Variants in HSPA2 observed in about 807,000 individuals in gnomAD.
HSPA2 encodes the protein heat shock-related 70 kDa protein 2.
In HSPA2, 13 loss-of-function variants were observed where a neutral mutation model predicts 35.0. The observed-to-expected ratio is 0.37, with a 90% CI of 0.24 to 0.59. The LOEUF is 0.59. Ranked by LOEUF, HSPA2 falls within the 20% of genes least tolerant of loss-of-function variation. HSPA2 has a pLI of 0.70. For synonymous variants in HSPA2, 368 were observed against 382.1 expected (o/e 0.96, Z 0.43); for missense variants, 565 against 885.4 (o/e 0.64, Z 4.59).
rs1427929597 is a variant in HSPA2 at position 64,541,923 on chromosome 14, C to A, written c.1074C>A (p.Asn358Lys). The change falls in exon 1 of 1, where the codon AAC becomes AAA. Residue 358 changes from asparagine to lysine, a missense_variant. Asn to Lys is a moderately conservative substitution (Grantham distance 94). Around this residue, in one of 4 missense-constraint regions of HSPA2, gnomAD observed 234 missense variants for 419.0 expected, o/e 0.56. Coordinates refer to ENST00000247207, the MANE Select transcript of HSPA2 (RefSeq NM_021979.4). ...KIQKLLQDFF[N>K]GKELNKSINP... ...AGAAGCTGCTGCAGGATTTCTTCAA[C>A]GGCAAGGAGCTGAACAAGAGCATCA... 6.2e-7 allele frequency: 1 copy of A among 1,613,476 alleles called. No individual in the cohort carries two copies. Among genetic ancestry groups the A allele is most frequent in the Non-Finnish European group, 8.5e-7 (1 of 1,180,028 alleles).
rs2080044995 is a variant in HSPA2, at chr14:64,542,969, T to C, written c.*200T>C. On this transcript the variant is annotated 3_prime_UTR_variant, in exon 1 of 1. Transcript: ENST00000247207. The surrounding 1 kb of genome is among the most constrained non-coding windows in gnomAD (Gnocchi z 5.7). The stretch of plus-strand genomic sequence containing the variant: ...TGTTTTTTAAAAACATTATTCGAGG[T>C]TTCTCTTTAATGCATTTTGCGTGTT... 1 of 943,184 alleles carries C rather than the reference T, an allele frequency of 1.1e-6. No homozygotes were observed. Among genetic ancestry groups the C allele is most frequent in the Non-Finnish European group, 1.6e-6 (1 of 643,696 alleles). 58.4% of individuals were successfully genotyped at this position (943,184 alleles called of 1,614,324 possible). A position where few individuals can be genotyped will look rare whatever the true frequency, so the allele number is the denominator to read the frequency against.
chr14:64,537,735 C>CT (rs957198368), upstream of HSPA2, among the ~76,000 whole-genome samples: 18 of 31,060 alleles, frequency 5.8e-4, no homozygotes, highest in African/African-American at 6.9e-4. Flanking sequence ...TTTTCTTTTT[C>CT]TTTTTTTTTT....
chr14:64,540,431 C>T (rs2080017365), upstream of HSPA2: 1 of 244,566 alleles, frequency 4.1e-6, no homozygotes, highest in Non-Finnish European at 8.0e-6. Flanking sequence ...CGAAAAAGCG[C>T]GTACACCTGG....
chr14:64,537,970 G>A (rs1005317442), upstream of HSPA2, among the ~76,000 whole-genome samples: 2 of 151,778 alleles, frequency 1.3e-5, no homozygotes, highest in Non-Finnish European at 1.5e-5. Flanking sequence ...CGTGATCCAC[G>A]CGCCTCGGCC....
chr14:64,537,971 C>T (rs548132412), upstream of HSPA2, among the ~76,000 whole-genome samples: 1 of 152,170 alleles, frequency 6.6e-6, no homozygotes, highest in East Asian at 1.9e-4. Flanking sequence ...GTGATCCACG[C>T]GCCTCGGCCT....
At position 64,542,118 on chromosome 14, in the gene HSPA2, C is replaced by G; in HGVS notation, c.1269C>G (p.Ile423Met). The G allele has an allele frequency of 6.2e-7, 1 of 1,613,622 alleles. No homozygotes were observed. The highest frequency in any genetic ancestry group is 8.5e-7 in the Non-Finnish European group (1 of 1,180,014). ...MTPLIKRNTT[I>M]PTKQTQTFTT... is the part of the protein sequence containing the mutation. ...CACTCATCAAGAGGAACACCACGAT[C>G]CCCACCAAGCAGACGCAGACCTTCA... The change falls in exon 1 of 1, where the codon ATC (isoleucine) becomes ATG (methionine). Residue 423 changes from isoleucine (I) to methionine (M), a missense_variant. Ile to Met is a conservative substitution (Grantham distance 10). Coordinates refer to ENST00000247207, the MANE Select transcript of HSPA2 (RefSeq NM_021979.4). The surrounding 1 kb of genome is among the most constrained non-coding windows in gnomAD (Gnocchi z 5.7).
Position 64,542,877 on chromosome 14 carries a change from G to C in HSPA2, c.*108G>C, listed in dbSNP as rs2080044498. On this transcript the variant is annotated 3_prime_UTR_variant, in exon 1 of 1. Transcript: ENST00000247207. The surrounding 1 kb of genome is among the most constrained non-coding windows in gnomAD (Gnocchi z 5.7). ...CCAAGTACGAGATCTATTGTTGGAA[G>C]TCTTTGGTATATGCAAATGAAAGGA... The C allele has an allele frequency of 6.9e-7, 1 of 1,444,734 alleles. No homozygotes were observed. Among genetic ancestry groups the C allele is most frequent in the African/African-American group, 1.4e-5 (1 of 69,478 alleles). The allele number at this position is 1,444,734 out of a possible 1,614,324, so 89.5% of individuals were successfully genotyped here.
In HSPA2 at chr14:64,540,865, C is replaced by G. The variant is rs1216853222; in HGVS notation, c.16C>G (p.Pro6Ala). The change falls in exon 1 of 1, where the codon CCG becomes GCG. Residue 6 changes from proline (P) to alanine (A), a missense_variant. Physicochemically the swap from Pro to Ala is conservative, Grantham distance 27. Around this residue, in one of 4 missense-constraint regions of HSPA2, gnomAD observed 183 missense variants for 281.6 expected, o/e 0.65. Transcript: ENST00000247207. ...TTCAGTCAGGATGTCTGCCCGTGGCCCGGCTATCGGCATCGACCTGGGCAC... is the reference window on the plus strand; with the variant it reads ...TTCAGTCAGGATGTCTGCCCGTGGCGCGGCTATCGGCATCGACCTGGGCAC... MSARG[P>A]AIGIDLGTTY... 2 of 1,613,958 alleles carry G rather than the reference C, an allele frequency of 1.2e-6. No homozygotes were observed. The highest frequency in any genetic ancestry group is 2.2e-5 in the East Asian group (1 of 44,872).
chr14:64,540,862 G>A lies in HSPA2; in HGVS notation c.13G>A (p.Gly5Ser), dbSNP rs1288662892. 3.1e-6 allele frequency: 5 copies of A among 1,613,978 alleles called. No individual in the cohort carries two copies. In the African/African-American group the frequency reaches 6.7e-5, roughly 22 times the overall value. Reference sequence around the variant, plus strand: ...CCTTTCAGTCAGGATGTCTGCCCGTGGCCCGGCTATCGGCATCGACCTGGG... The same window carrying A: ...CCTTTCAGTCAGGATGTCTGCCCGTAGCCCGGCTATCGGCATCGACCTGGG... MSAR[G>S]PAIGIDLGTT... The change falls in exon 1 of 1, where the codon GGC becomes AGC. Residue 5 changes from glycine to serine, a missense_variant. Around this residue, in one of 4 missense-constraint regions of HSPA2, gnomAD observed 183 missense variants for 281.6 expected, o/e 0.65. Transcript: ENST00000247207.
rs2080045400 is a variant in HSPA2, at chr14:64,543,045, T to A, written c.*276T>A. 5.7e-6 allele frequency: 3 copies of A among 526,274 alleles called. No individual in the cohort carries two copies. The highest frequency in any genetic ancestry group is 3.9e-5 in the African/African-American group (2 of 51,624). The allele number at this position is 526,274 out of a possible 1,614,324, so 32.6% of individuals were successfully genotyped here. A position where few individuals can be genotyped will look rare whatever the true frequency, so the allele number is the denominator to read the frequency against. ...TTCGTGCATGGAGATTTGTTTGAGA[T>A]GAGAAACCTTAAGTTTGCACACCTG... is the stretch of plus-strand genomic sequence containing the variant. On this transcript the variant is annotated 3_prime_UTR_variant, in exon 1 of 1. Transcript: ENST00000247207.
At position 64,542,931 on chromosome 14, in the gene HSPA2, A is replaced by G; in HGVS notation, c.*162A>G. On this transcript the variant is annotated 3_prime_UTR_variant, in exon 1 of 1. Transcript: ENST00000247207. This position sits in a 1 kb window ranked among gnomAD's most constrained non-coding sequence, Gnocchi z 5.7. ...GTGCAACAACTTAGTTTAATTATAA[A>G]AGTTCCAAAGTTTGTTTTTTAAAAA... 1.6e-6 allele frequency: 2 copies of G among 1,215,734 alleles called. No individual in the cohort carries two copies. Among genetic ancestry groups the G allele is most frequent in the Non-Finnish European group, 1.1e-6 (1 of 891,608 alleles). 75.3% of individuals were successfully genotyped at this position (1,215,734 alleles called of 1,614,324 possible).
At chr14:64,538,995 G>A (rs2140201591), upstream of HSPA2, among the ~76,000 whole-genome samples, 1 of 152,156 alleles carries the variant, frequency 6.6e-6, no homozygotes, top group Middle Eastern at 3.4e-3. Context: ...TAGTAGAGAC[G>A]GGGTTTCACC....
At chr14:64,540,297 C>T (rs991412234), upstream of HSPA2, 2 of 175,336 alleles carry the variant, frequency 1.1e-5, no homozygotes, top group African/African-American at 4.8e-5. Flanking sequence ...TGAGCGAACT[C>T]TCCCAGTGGC....
upstream of HSPA2, chr14:64,540,500 CT>C (rs778486270): frequency 5.2e-4 from 150 of 288,908 alleles, no homozygotes; most frequent in Middle Eastern, 2.3e-3. Flanking sequence ...GCACCACGGC[CT>C]GGCGGCCGAG....
chr14:64,540,832 G>C lies in HSPA2; in HGVS notation c.-18G>C, dbSNP rs748779336. ...TCCCTGGTTTTCCCGTCCTAACGTC[G>C]CTCGCCTTTCAGTCAGGATGTCTGC... On this transcript the variant is annotated 5_prime_UTR_variant, in exon 1 of 1. Transcript: ENST00000247207. 1 of 1,612,926 alleles carries C rather than the reference G, an allele frequency of 6.2e-7. No individual in the cohort carries two copies. The highest frequency in any genetic ancestry group is 2.2e-5 in the East Asian group (1 of 44,858).
upstream of HSPA2, chr14:64,540,178 G>C (rs1030148555): frequency 2.0e-5 from 3 of 152,710 alleles, no homozygotes; most frequent in Non-Finnish European, 2.9e-5. Context: ...AAAACAAGCT[G>C]CTCGAGCTTT....
chr14:64,540,754 T>C lies in HSPA2; in HGVS notation c.-96T>C, dbSNP rs1475349812. The C allele has an allele frequency of 6.5e-7, 1 of 1,540,456 alleles. No individual in the cohort carries two copies. The highest frequency in any genetic ancestry group is 8.8e-7 in the Non-Finnish European group (1 of 1,141,134). The stretch of plus-strand genomic sequence containing the variant: ...GCGCGGGGAGCTGAGTTGCTGGTAG[T>C]GCCCGTGGTGCTTGGTTCGAGGTGG... On this transcript the variant is annotated 5_prime_UTR_variant, in exon 1 of 1. Coordinates refer to ENST00000247207, the MANE Select transcript of HSPA2 (RefSeq NM_021979.4).
Position 64,542,928 on chromosome 14 carries a change from T to A in HSPA2, c.*159T>A. Reference sequence around the variant, plus strand: ...GAGGTGCAACAACTTAGTTTAATTATAAAAGTTCCAAAGTTTGTTTTTTAA... The same window carrying A: ...GAGGTGCAACAACTTAGTTTAATTAAAAAAGTTCCAAAGTTTGTTTTTTAA... On this transcript the variant is annotated 3_prime_UTR_variant, in exon 1 of 1. Coordinates refer to ENST00000247207, the MANE Select transcript of HSPA2 (RefSeq NM_021979.4). The surrounding 1 kb of genome is among the most constrained non-coding windows in gnomAD (Gnocchi z 5.7). 1.6e-6 allele frequency: 2 copies of A among 1,232,928 alleles called. No homozygotes were observed. Among genetic ancestry groups the A allele is most frequent in the Non-Finnish European group, 1.1e-6 (1 of 906,538 alleles). 76.4% of individuals were successfully genotyped at this position (1,232,928 alleles called of 1,614,324 possible).
chr14:64,537,876 AC>A (rs45514099), upstream of HSPA2, among the ~76,000 whole-genome samples: 28 of 151,374 alleles, frequency 1.8e-4, 2 homozygotes, highest in East Asian at 4.1e-3. Context: ...ACAGGCGCCC[AC>A]CACCAGGCCC....
Sources: allele counts gnomAD v4.1 joint callset (sites outside exome capture counted in the v4.1 genomes callset), GRCh38; gene constraint gnomAD v4.1.1; regional missense constraint gnomAD v4.1.1; non-coding constraint Gnocchi (gnomAD v3.1); transcripts MANE v1.5; gene names NCBI Gene and HGNC (gene_info 2026-07-23, HGNC 2026-07-21).